The following GLIS3 variants were observed in gnomAD, a reference collection of about 807,000 sequenced individuals.
GLIS3 encodes GLIS family zinc finger 3.
A neutral mutation model predicts 78.6 loss-of-function variants in GLIS3; 53 were observed. The observed-to-expected ratio is 0.67, with a 90% CI of 0.54 to 0.85. The LOEUF is 0.85. GLIS3 is among the 40% of genes least tolerant of loss of function. The pLI is 0.00. For synonymous variants in GLIS3, 684 were observed against 509.9 expected, an observed-to-expected ratio of 1.34 and a Z score of -4.60; for missense variants, 1,703 against 1,231.1, an observed-to-expected ratio of 1.38 and a Z score of -5.74.
chr9:4,295,836 T>C (rs1309735282), intron 1 of GLIS3, among the ~76,000 whole-genome samples: 4 of 152,190 alleles, frequency 2.6e-5, no homozygotes, highest in African/African-American at 9.6e-5. Flanking sequence ...CTACAAAAAC[T>C]GGGGACTTGG....
At chr9:3,991,893 T>C (rs1315361771) in intron 4 of GLIS3, among the ~76,000 whole-genome samples, 3 of 152,008 alleles carry the variant, frequency 2.0e-5, no homozygotes, top group Non-Finnish European at 2.9e-5. Context: ...GGTTTCACCG[T>C]ATTGGCCAGG....
rs1050840760 is a variant in GLIS3, at chr9:4,161,000, TAAG to T, written c.389-35062_389-35060del. 9.0e-4 allele frequency among the ~76,000 whole-genome samples: 125 copies of T among 138,922 alleles called. 1 individual carries two copies. The highest frequency in any genetic ancestry group is 3.0e-3 in the African/African-American group (91 of 30,400). 91.1% of individuals were successfully genotyped at this position (138,922 alleles called of 152,430 possible). A position where few individuals can be genotyped will look rare whatever the true frequency, so the allele number is the denominator to read the frequency against. ...GGTTCATGCCTATAATCCCAGCACT[TAAG>T]AAGGCTAAGGTGGAAGGATTGCTTC... On this transcript the variant is annotated intron_variant, in intron 2 of 10. Coordinates refer to ENST00000381971, the MANE Select transcript of GLIS3 (RefSeq NM_001042413.2).
In GLIS3 at chr9:3,824,501, C is replaced by T. The variant is rs1817621555; in HGVS notation, c.*3771G>A. ...TCTCTATTTCCAGTTTTATTCTGTACCAAGTGCACAATCCCTTCATTTTAC... is the reference window on the plus strand; with the variant it reads ...TCTCTATTTCCAGTTTTATTCTGTATCAAGTGCACAATCCCTTCATTTTAC... On this transcript the variant is annotated 3_prime_UTR_variant, in exon 11 of 11. Coordinates refer to ENST00000381971, the MANE Select transcript of GLIS3 (RefSeq NM_001042413.2). 1.3e-5 allele frequency: 2 copies of T among 152,158 alleles called. No individual in the cohort carries two copies. Among genetic ancestry groups the T allele is most frequent in the South Asian group, 4.1e-4 (2 of 4,830 alleles). The allele number at this position is 152,158 out of a possible 1,614,324, so 9.4% of individuals were successfully genotyped here.
Position 3,937,029 on chromosome 9 carries a change from G to T in GLIS3, c.1871C>A (p.Thr624Asn). ...RAKHQRTHLD[T>N]KPYACQIPGC... ...CTGGAAAGCTCCTGCCATTCTTACG[G>T]TGTCCAGATGCGTCCGCTGGTGTTT... The change falls in exon 5 of 11, where the codon ACC becomes AAC. Residue 624 changes from threonine (T) to asparagine (N), a missense_variant and splice_region_variant. Physicochemically the swap from Thr to Asn is moderately conservative, Grantham distance 65. Coordinates refer to ENST00000381971, the MANE Select transcript of GLIS3 (RefSeq NM_001042413.2). The T allele has an allele frequency of 6.2e-7, 1 of 1,612,560 alleles. No individual in the cohort carries two copies. Among genetic ancestry groups the T allele is most frequent in the East Asian group, 2.2e-5 (1 of 44,876 alleles).
intron 4 of GLIS3, among the ~76,000 whole-genome samples, chr9:4,008,878 G>A (rs531161311): frequency 4.6e-5 from 7 of 152,040 alleles, no homozygotes; most frequent in South Asian, 4.2e-4. Flanking sequence ...TGCATAACAC[G>A]GTTATGCACT....
intron 4 of GLIS3, among the ~76,000 whole-genome samples, chr9:4,005,013 T>C (rs553644998): frequency 6.6e-6 from 1 of 152,342 alleles, no homozygotes; most frequent in South Asian, 2.1e-4. Flanking sequence ...GGCAGGAATC[T>C]AGGCCCCTGA....
At chr9:3,984,875 T>C (rs1350593636) in intron 4 of GLIS3, among the ~76,000 whole-genome samples, 1 of 152,174 alleles carries the variant, frequency 6.6e-6, no homozygotes, top group East Asian at 1.9e-4. Context: ...TCGCGAGATC[T>C]GATGGTTTTC....
the GLIS3 span, among the ~76,000 whole-genome samples, chr9:4,394,411 T>C: frequency 6.6e-6 from 1 of 152,248 alleles, no homozygotes; most frequent in Admixed American, 6.5e-5. Flanking sequence ...TGAGTCTTCA[T>C]TCTCTCAGGA....
At chr9:4,301,143 A>G (rs1338827494), upstream of GLIS3, among the ~76,000 whole-genome samples, 1 of 151,454 alleles carries the variant, frequency 6.6e-6, no homozygotes, top group East Asian at 1.9e-4. Context: ...GTCTGTATCC[A>G]TGATATTAAC....
At chr9:4,215,275 A>G (rs1358987120) in intron 2 of GLIS3, among the ~76,000 whole-genome samples, 4 of 152,026 alleles carry the variant, frequency 2.6e-5, no homozygotes, top group Admixed American at 2.0e-4. Flanking sequence ...ATGCACCGTT[A>G]TTGGCCACAG....
chr9:4,048,059 T>C (rs191402294), intron 4 of GLIS3, among the ~76,000 whole-genome samples: 20 of 152,250 alleles, frequency 1.3e-4, no homozygotes, highest in South Asian at 1.0e-3. Context: ...TGTTCTCCAA[T>C]TGAACCCATG....
intron 2 of GLIS3, among the ~76,000 whole-genome samples, chr9:4,321,265 A>C: frequency 1.0e-5 from 1 of 97,596 alleles, no homozygotes. Flanking sequence ...CTAAAAATAC[A>C]AAAAAAATTA....
At chr9:4,398,610 C>A in the GLIS3 span, among the ~76,000 whole-genome samples, 1 of 152,008 alleles carries the variant, frequency 6.6e-6, no homozygotes, top group African/African-American at 2.4e-5. Context: ...AAAAGTGGCT[C>A]CTCACTCACC....
At chr9:4,356,471 A>G in the GLIS3 span, among the ~76,000 whole-genome samples, 1 of 152,202 alleles carries the variant, frequency 6.6e-6, no homozygotes, top group African/African-American at 2.4e-5. Context: ...TCACATGGAG[A>G]GCAGAGAAAA....
the GLIS3 span, among the ~76,000 whole-genome samples, chr9:4,443,784 C>T: frequency 3.9e-5 from 6 of 152,266 alleles, no homozygotes; most frequent in South Asian, 1.2e-3. Context: ...TTCCAGATTG[C>T]CCCAGGAACC....
chr9:4,456,230 T>C, the GLIS3 span, among the ~76,000 whole-genome samples: 1 of 152,226 alleles, frequency 6.6e-6, no homozygotes, highest in Non-Finnish European at 1.5e-5. Flanking sequence ...TTAATGATCA[T>C]GTGAGCCCTC....
intron 4 of GLIS3, among the ~76,000 whole-genome samples, chr9:4,042,629 T>TAC (rs1824914750): frequency 6.6e-6 from 1 of 152,070 alleles, no homozygotes; most frequent in Non-Finnish European, 1.5e-5. Context: ...TGTTCAAAGT[T>TAC]CCAGGTTGAA....
chr9:4,389,347 G>T, the GLIS3 span, among the ~76,000 whole-genome samples: 1 of 152,154 alleles, frequency 6.6e-6, no homozygotes, highest in African/African-American at 2.4e-5. Context: ...GGAAGTACTG[G>T]ATTTCCCTCC....
chr9:4,171,631 G>A (rs1443103883), intron 2 of GLIS3, among the ~76,000 whole-genome samples: 2 of 152,192 alleles, frequency 1.3e-5, no homozygotes, highest in African/African-American at 4.8e-5. Flanking sequence ...GTGACCTTTA[G>A]TGGATTGATA....
Sources: allele counts gnomAD v4.1 joint callset (sites outside exome capture counted in the v4.1 genomes callset), GRCh38; gene constraint gnomAD v4.1.1; transcripts MANE v1.5; gene names NCBI Gene and HGNC (gene_info 2026-07-23, HGNC 2026-07-21).